The following GLT1D1 variants were observed in gnomAD, a reference collection of about 807,000 sequenced individuals.
The protein encoded by GLT1D1 is glycosyltransferase 1 domain-containing protein 1.
In GLT1D1, 21 loss-of-function variants were observed where a neutral mutation model predicts 28.7. The ratio of observed to expected loss-of-function variants is 0.73; its 90% CI spans 0.52 to 1.05. The LOEUF (loss-of-function observed/expected upper bound fraction) is 1.05. Ranked by LOEUF, GLT1D1 falls within the 50% of genes least tolerant of loss-of-function variation. The probability of loss-of-function intolerance (pLI) is 0.00; values close to 1 mark genes in which losing one functional copy is unlikely to be tolerated. For synonymous variants in GLT1D1, 147 were observed against 124.8 expected (o/e 1.18, Z -1.19); for missense variants, 343 against 330.6 (o/e 1.04, Z -0.29).
chr12:128,867,741 G>T (rs1231673473), intron 1 of GLT1D1, among the ~76,000 whole-genome samples: 1 of 152,174 alleles, frequency 6.6e-6, no homozygotes, highest in Non-Finnish European at 1.5e-5. Context: ...CAGAAAGACT[G>T]GGGGACGGGA....
intron 4 of GLT1D1, chr12:128,944,520 A>G: frequency 1.1e-6 from 1 of 942,248 alleles, no homozygotes; most frequent in Non-Finnish European, 1.7e-6. Flanking sequence ...CAGTTGTGGG[A>G]GGGTTGAATC....
At chr12:128,968,336 G>T (rs112763478) in intron 7 of GLT1D1, among the ~76,000 whole-genome samples, 27,182 of 151,196 alleles carry the variant, frequency 0.18, 2,961 homozygotes, top group Non-Finnish European at 0.26. Context: ...GTGGCTTATT[G>T]TACGATACTG....
intron 4 of GLT1D1, among the ~76,000 whole-genome samples, chr12:128,927,999 C>CAAAAAAAAAAAAAAAAAAAAAAA (rs938188484): frequency 1.4e-4 from 6 of 42,250 alleles, no homozygotes; most frequent in African/African-American, 2.3e-4. Context: ...GACTCTGTCT[C>CAAAAAAAAAAAAAAAAAAAAAAA]AAAAAAAAAA....
At chr12:128,963,005 G>A (rs1878120300) in intron 7 of GLT1D1, among the ~76,000 whole-genome samples, 1 of 152,106 alleles carries the variant, frequency 6.6e-6, no homozygotes, top group African/African-American at 2.4e-5. Flanking sequence ...CAGCCAAAAT[G>A]ATTCTTTTAA....
intron 7 of GLT1D1, among the ~76,000 whole-genome samples, chr12:128,962,548 G>A (rs1878069953): frequency 6.6e-6 from 1 of 152,170 alleles, no homozygotes; most frequent in African/African-American, 2.4e-5. Context: ...GGGCACCCAG[G>A]TATGCAGGGG....
At chr12:128,922,056 A>G (rs1365074527) in intron 4 of GLT1D1, among the ~76,000 whole-genome samples, 1 of 151,780 alleles carries the variant, frequency 6.6e-6, no homozygotes, top group African/African-American at 2.4e-5. Context: ...ATGCACATCA[A>G]GAATATGGGG....
intron 2 of GLT1D1, among the ~76,000 whole-genome samples, chr12:128,878,185 C>G (rs1203516264): frequency 6.6e-6 from 1 of 152,158 alleles, no homozygotes; most frequent in African/African-American, 2.4e-5. Flanking sequence ...CATGTACACC[C>G]ATGCATGTAT....
At position 128,899,225 on chromosome 12, in the gene GLT1D1, T is replaced by C; in HGVS notation, c.324-11T>C. On this transcript the variant is annotated splice_polypyrimidine_tract_variant and intron_variant, in intron 3 of 7. Transcript: ENST00000281703. Reference sequence around the variant, plus strand: ...GCCTAATTGTTTCTATTATTTTTGTTCATTTACTAGATTTGCTGTCGCTTT... The same window carrying C: ...GCCTAATTGTTTCTATTATTTTTGTCCATTTACTAGATTTGCTGTCGCTTT... 1.2e-6 allele frequency: 2 copies of C among 1,606,964 alleles called. No individual in the cohort carries two copies. The highest frequency in any genetic ancestry group is 1.7e-6 in the Non-Finnish European group (2 of 1,173,422).
chr12:128,930,999 T>C (rs929685603), intron 4 of GLT1D1, among the ~76,000 whole-genome samples: 172 of 138,376 alleles, frequency 1.2e-3, no homozygotes, highest in African/African-American at 4.8e-3. Flanking sequence ...TCTACCACCC[T>C]TTTTTTTTTT....
intron 7 of GLT1D1, among the ~76,000 whole-genome samples, chr12:128,959,520 A>G (rs907836055): frequency 2.0e-5 from 3 of 150,514 alleles, no homozygotes; most frequent in East Asian, 2.0e-4. Context: ...TGCAAGTCGC[A>G]AGGTATCAGC....
intron 4 of GLT1D1, among the ~76,000 whole-genome samples, chr12:128,938,259 G>T (rs774473830): frequency 6.6e-6 from 1 of 152,184 alleles, no homozygotes; most frequent in African/African-American, 2.4e-5. Flanking sequence ...AAAGGACTTA[G>T]CATATGTTCT....
At chr12:128,950,359 A>T (rs1479143603) in intron 6 of GLT1D1, among the ~76,000 whole-genome samples, 1 of 152,248 alleles carries the variant, frequency 6.6e-6, no homozygotes, top group African/African-American at 2.4e-5. Flanking sequence ...CCCAAATGCC[A>T]TTGGCACCCT....
In GLT1D1 at chr12:128,945,484, T is replaced by C. The variant is rs1157663824; in HGVS notation, c.419+115T>C. ...CACTATTCCAAGCAGTTTCCAACTG[T>C]TTCCTCATGCATCTTCCCGGCGAGC... On this transcript the variant is annotated intron_variant, in intron 5 of 7. Coordinates refer to ENST00000281703, the MANE Select transcript of GLT1D1 (RefSeq NM_144669.3). The C allele has an allele frequency of 5.6e-6, 5 of 887,496 alleles. No individual in the cohort carries two copies. In the African/African-American group the frequency reaches 8.2e-5, roughly 15 times the overall value. 55.0% of individuals were successfully genotyped at this position (887,496 alleles called of 1,614,324 possible).
chr12:128,954,173 G>C (rs1877025672), intron 6 of GLT1D1, among the ~76,000 whole-genome samples: 1 of 151,300 alleles, frequency 6.6e-6, no homozygotes, highest in Admixed American at 6.6e-5. Context: ...GCCCAGGCTG[G>C]AGTGCAATGG....
At chr12:128,874,040 C>A in intron 1 of GLT1D1, among the ~76,000 whole-genome samples, 1 of 79,704 alleles carries the variant, frequency 1.3e-5, no homozygotes, top group Non-Finnish European at 2.3e-5. Flanking sequence ...TCCCTCCCTC[C>A]CTGCCTCCCT....
chr12:128,885,780 G>C (rs1163642204), intron 2 of GLT1D1, among the ~76,000 whole-genome samples: 1 of 151,908 alleles, frequency 6.6e-6, no homozygotes, highest in African/African-American at 2.4e-5. Flanking sequence ...CAACCTCGTT[G>C]ATAGTGTGTA....
At chr12:128,882,697 A>G (rs1270457930) in intron 2 of GLT1D1, among the ~76,000 whole-genome samples, 2 of 152,122 alleles carry the variant, frequency 1.3e-5, no homozygotes, top group African/African-American at 4.8e-5. Context: ...TCTGTAAGAT[A>G]TTTTTGGCAT....
In GLT1D1 at chr12:128,887,297, G is replaced by A. The variant is rs534392201; in HGVS notation, c.218-1342G>A. On this transcript the variant is annotated intron_variant, in intron 2 of 7. Transcript: ENST00000281703. Reference sequence around the variant, plus strand: ...CTTCCAAAGTGCTGGCATTACAGGTGTGAGCCACCGCACCTGGCCCATCCC... The same window carrying A: ...CTTCCAAAGTGCTGGCATTACAGGTATGAGCCACCGCACCTGGCCCATCCC... Among the ~76,000 whole-genome samples the A allele has an allele frequency of 2.0e-5, 3 of 152,208 alleles. No individual in the cohort carries two copies. The South Asian group carries it at 6.2e-4, about 32-fold the overall frequency.
intron 2 of GLT1D1, among the ~76,000 whole-genome samples, chr12:128,881,435 G>C (rs556518996): frequency 6.9e-6 from 1 of 144,570 alleles, no homozygotes; most frequent in Non-Finnish European, 1.5e-5. Flanking sequence ...TTGGGAGGCC[G>C]AGGCAGGAGA....
Sources: allele counts gnomAD v4.1 joint callset (sites outside exome capture counted in the v4.1 genomes callset), GRCh38; gene constraint gnomAD v4.1.1; transcripts MANE v1.5; gene names NCBI Gene and HGNC (gene_info 2026-07-23, HGNC 2026-07-21).